AOPEP: variants seen among roughly 807,000 people sequenced by gnomAD.
The protein encoded by AOPEP is aminopeptidase O (putative).
AOPEP carries 77 observed loss-of-function variants against 98.1 expected under a neutral mutation model. The observed-to-expected ratio is 0.78, with a 90% CI of 0.65 to 0.95. The LOEUF (loss-of-function observed/expected upper bound fraction) is 0.95, where lower values mean the gene tolerates loss of function less well. AOPEP is among the 40% of genes least tolerant of loss of function. The pLI is 0.00. For synonymous variants in AOPEP, 346 were observed against 365.3 expected, an observed-to-expected ratio of 0.95 and a Z score of 0.60; for missense variants, 1,024 against 1,024.7, an observed-to-expected ratio of 1.00 and a Z score of 0.01.
At chr9:94,889,955 A>G (rs563281590) in intron 5 of AOPEP, among the ~76,000 whole-genome samples, 1 of 151,998 alleles carries the variant, frequency 6.6e-6, no homozygotes, top group South Asian at 2.1e-4. Context: ...TATGTGCTTA[A>G]GTGCCATCTG....
chr9:94,895,629 C>T (rs1215402999), intron 5 of AOPEP, among the ~76,000 whole-genome samples: 1 of 151,906 alleles, frequency 6.6e-6, no homozygotes, highest in African/African-American at 2.4e-5. Context: ...CCCTCTGTCA[C>T]CCAGGTTGGA....
intron 13 of AOPEP, among the ~76,000 whole-genome samples, chr9:95,011,613 A>G (rs2062530290): frequency 6.6e-6 from 1 of 152,132 alleles, no homozygotes; most frequent in Non-Finnish European, 1.5e-5. Flanking sequence ...AGTTCGAGAC[A>G]GCTTGGGCAA....
intron 5 of AOPEP, among the ~76,000 whole-genome samples, chr9:94,808,422 T>A (rs1350783124): frequency 6.6e-6 from 1 of 151,768 alleles, no homozygotes; most frequent in East Asian, 1.9e-4. Context: ...AAAAATGGAT[T>A]ACTTTTTTTT....
rs141505865 is a variant in AOPEP, at chr9:94,777,021, G to T, written c.964+3853G>T. Among the ~76,000 whole-genome samples, 863 of 151,534 alleles carry T rather than the reference G, an allele frequency of 5.7e-3. 1 individual carries two copies. Among genetic ancestry groups the T allele is most frequent in the Non-Finnish European group, 9.2e-3 (622 of 67,916 alleles). On this transcript the variant is annotated intron_variant, in intron 3 of 16. Coordinates refer to ENST00000375315, the MANE Select transcript of AOPEP (RefSeq NM_001193329.3). Reference sequence around the variant, plus strand: ...TCACTTATGAACAATCCTTGGCTAGGTATAACATTCTTTTTTTTAATATTT... The same window carrying T: ...TCACTTATGAACAATCCTTGGCTAGTTATAACATTCTTTTTTTTAATATTT...
chr9:94,865,250 C>T (rs2045579504), intron 5 of AOPEP, among the ~76,000 whole-genome samples: 1 of 152,082 alleles, frequency 6.6e-6, no homozygotes, highest in African/African-American at 2.4e-5. Context: ...CAAATGAGGA[C>T]TTAGGAAAAA....
chr9:95,107,016 C>CG, the AOPEP span: 3 of 1,590,132 alleles, frequency 1.9e-6, no homozygotes, highest in East Asian at 6.7e-5. Context: ...ACCCACCTCT[C>CG]GCCTGGAGCA....
chr9:94,928,190 C>T (rs1036926043), intron 6 of AOPEP, among the ~76,000 whole-genome samples: 2 of 152,126 alleles, frequency 1.3e-5, no homozygotes, highest in South Asian at 2.1e-4. Flanking sequence ...AACAAGGCGA[C>T]CTCCGCCAAA....
chr9:94,999,023 C>CAT (rs1305606997), intron 11 of AOPEP, among the ~76,000 whole-genome samples: 2 of 152,036 alleles, frequency 1.3e-5, no homozygotes, highest in Admixed American at 1.3e-4. Flanking sequence ...TAAGAACAGT[C>CAT]ATACATCCTT....
chr9:95,074,123 G>A (rs1279056947), intron 14 of AOPEP, among the ~76,000 whole-genome samples: 2 of 152,186 alleles, frequency 1.3e-5, no homozygotes, highest in African/African-American at 4.8e-5. Flanking sequence ...GTGCCTGTGT[G>A]TGTGCTTCCT....
At chr9:95,082,508 C>T (rs546475004) in intron 15 of AOPEP, 67 bp from the exon 16 acceptor site, 3 of 1,547,708 alleles carry the variant, frequency 1.9e-6, no homozygotes, top group South Asian at 2.3e-5. Context: ...ACAGACTGAG[C>T]TCATGTGTGC....
At chr9:94,949,854 C>T (rs1421581477) in intron 7 of AOPEP, among the ~76,000 whole-genome samples, 9 of 152,208 alleles carry the variant, frequency 5.9e-5, no homozygotes, top group Non-Finnish European at 8.8e-5. Context: ...CTTCGTGGAG[C>T]GGTGTAGACC....
intron 1 of AOPEP, among the ~76,000 whole-genome samples, chr9:94,731,586 G>A (rs1424291121): frequency 6.6e-6 from 1 of 151,854 alleles, no homozygotes; most frequent in African/African-American, 2.4e-5. Context: ...CTCTTGATTT[G>A]ATTTTGTCAT....
At chr9:95,122,018 C>T in the AOPEP span, among the ~76,000 whole-genome samples, 17 of 152,084 alleles carry the variant, frequency 1.1e-4, no homozygotes, top group South Asian at 2.1e-3. Flanking sequence ...CCACCATGCC[C>T]GGCGAATTTT....
At chr9:94,792,644 C>T in intron 3 of AOPEP, 121 bp from the exon 4 acceptor site, 2 of 958,892 alleles carry the variant, frequency 2.1e-6, no homozygotes, top group Non-Finnish European at 3.0e-6. Context: ...TGACCGACCT[C>T]CAAGAGTTGG....
chr9:95,140,642 C>T, the AOPEP span, among the ~76,000 whole-genome samples: 1 of 152,156 alleles, frequency 6.6e-6, no homozygotes, highest in Non-Finnish European at 1.5e-5. Context: ...TGGCAACAGT[C>T]CACCTTTTCA....
At chr9:94,738,903 CA>C (rs1422472017) in intron 1 of AOPEP, among the ~76,000 whole-genome samples, 8 of 152,208 alleles carry the variant, frequency 5.3e-5, no homozygotes, top group African/African-American at 1.9e-4. Flanking sequence ...ATGATAAGGA[CA>C]AAGTGAACTG....
chr9:94,943,547 T>C (rs2057251375), intron 7 of AOPEP, among the ~76,000 whole-genome samples: 1 of 149,304 alleles, frequency 6.7e-6, no homozygotes, highest in African/African-American at 2.5e-5. Flanking sequence ...TGAGCTGAGA[T>C]CGTGCCCCTG....
At chr9:95,106,400 C>T in the AOPEP span, among the ~76,000 whole-genome samples, 1 of 152,162 alleles carries the variant, frequency 6.6e-6, no homozygotes, top group Non-Finnish European at 1.5e-5. Context: ...ATATTTTTCT[C>T]CCATTCTGTG....
intron 1 of AOPEP, among the ~76,000 whole-genome samples, chr9:94,759,226 C>T (rs1158880650): frequency 2.0e-5 from 3 of 152,166 alleles, no homozygotes; most frequent in Non-Finnish European, 2.9e-5. Flanking sequence ...TGTGTGGGGC[C>T]ATTTAGCCTT....
Sources: gnomAD v4.1 joint callset for allele counts (sites outside exome capture counted in the v4.1 genomes callset) on GRCh38, gnomAD v4.1.1 for gene constraint, MANE v1.5 for transcripts, NCBI Gene and HGNC (gene_info 2026-07-23, HGNC 2026-07-21) for gene names.